DCBLD2: variants seen among roughly 807,000 people sequenced by gnomAD.
DCBLD2 encodes discoidin, CUB and LCCL domain-containing protein 2.
In DCBLD2, 54 loss-of-function variants were observed where a neutral mutation model predicts 86.8. The observed-to-expected ratio is 0.62, with a 90% confidence interval of 0.50 to 0.78. The LOEUF (loss-of-function observed/expected upper bound fraction) is 0.78, where lower values mean the gene tolerates loss of function less well. Among genes scored for constraint, DCBLD2 ranks in the 30% least tolerant of loss-of-function variants. The probability of loss-of-function intolerance (pLI) is 0.00; values close to 1 mark genes in which losing one functional copy is unlikely to be tolerated. For missense variants in DCBLD2, 908 were observed against 954.2 expected (o/e 0.95, Z 0.64); for synonymous variants, 354 against 341.3 (o/e 1.04, Z -0.41).
chr3:98,881,490 C>T, intron 2 of DCBLD2, 50 bp downstream of exon 2: 1 of 1,495,986 alleles, frequency 6.7e-7, no homozygotes, highest in Non-Finnish European at 9.3e-7. Flanking sequence ...AAAAATACAT[C>T]ATTGAGACAA....
chr3:98,811,578 T>C (rs779739011), intron 10 of DCBLD2, 24 bp from the exon 11 acceptor site: 1 of 1,548,534 alleles, frequency 6.5e-7, no homozygotes, highest in African/African-American at 1.4e-5. Flanking sequence ...TTAGAAAAAT[T>C]TAAACATTTT....
chr3:98,828,617 G>A (rs1451315178), intron 3 of DCBLD2, among the ~76,000 whole-genome samples: 1 of 152,116 alleles, frequency 6.6e-6, no homozygotes, highest in African/African-American at 2.4e-5. Flanking sequence ...ATTGTAAAAT[G>A]GTGCAACTGT....
At chr3:98,850,604 T>TA (rs2107485673) in intron 2 of DCBLD2, among the ~76,000 whole-genome samples, 1 of 152,330 alleles carries the variant, frequency 6.6e-6, no homozygotes, top group Admixed American at 6.5e-5. Flanking sequence ...GTAACTTGTG[T>TA]AAGAAAGCCT....
At chr3:98,834,070 G>A (rs888228505) in intron 3 of DCBLD2, among the ~76,000 whole-genome samples, 2 of 151,420 alleles carry the variant, frequency 1.3e-5, no homozygotes, top group African/African-American at 4.9e-5. Flanking sequence ...GGCTCCTCTG[G>A]CCCTGTGTCG....
chr3:98,882,523 C>T (rs974495090), intron 1 of DCBLD2, among the ~76,000 whole-genome samples: 1 of 152,066 alleles, frequency 6.6e-6, no homozygotes, highest in African/African-American at 2.4e-5. Context: ...CTGTGCCCAT[C>T]AACCCATCAT....
chr3:98,891,215 GGA>G (rs137998675), intron 1 of DCBLD2, among the ~76,000 whole-genome samples: 12 of 148,628 alleles, frequency 8.1e-5, no homozygotes, highest in East Asian at 2.0e-4. Context: ...GGAGAGGGAG[GGA>G]GAGAGAGAGA....
At chr3:98,860,081 A>G (rs1943012810) in intron 2 of DCBLD2, among the ~76,000 whole-genome samples, 1 of 152,262 alleles carries the variant, frequency 6.6e-6, no homozygotes, top group African/African-American at 2.4e-5. Context: ...ACGAATGCAC[A>G]AGCTTCAGTA....
In DCBLD2 at chr3:98,901,290, G is replaced by A; in HGVS notation, c.37C>T (p.Pro13Ser). The change falls in exon 1 of 16, where the codon CCG becomes TCG. Residue 13 changes from proline to serine, a missense_variant. Physicochemically the swap from Pro to Ser is moderately conservative, Grantham distance 74. This residue lies in a region of DCBLD2 where 294 missense variants were observed against 256.0 expected (regional missense o/e 1.15). Coordinates refer to ENST00000326840, the MANE Select transcript of DCBLD2 (RefSeq NM_080927.4). ...GCGGCCCGGACTTGGGGACACTGCG[G>A]GCAGCGCCTGGCTCTCACCACCGCC... The part of the protein sequence containing the change: ...SRAVVRARRC[P>S]QCPQVRAAAA... The A allele has an allele frequency of 2.0e-6, 3 of 1,518,618 alleles. No homozygotes were observed. Among genetic ancestry groups the A allele is most frequent in the South Asian group, 2.4e-5 (2 of 81,906 alleles). The allele number at this position is 1,518,618 out of a possible 1,614,324, so 94.1% of individuals were successfully genotyped here.
Position 98,901,173 on chromosome 3 carries a change from G to A in DCBLD2, c.154C>T (p.Leu52=), listed in dbSNP as rs558781984. 5 of 1,538,240 alleles carry A rather than the reference G, an allele frequency of 3.3e-6. No homozygotes were observed. In the African/African-American group the frequency reaches 6.8e-5, roughly 21 times the overall value. The change falls in exon 1 of 16, where the codon CTG becomes TTG. Residue 52 remains leucine, a synonymous_variant. Transcript: ENST00000326840. ...AGCAGGAGCAGGACAAGTAAGAGCA[G>A]GAGGAACAGAGGCATGGAGAAGGAG... ...SSSFSMPLFL[L]LLLVLLLLLE...
intron 3 of DCBLD2, among the ~76,000 whole-genome samples, chr3:98,839,160 T>TTCCTTCCTTCCTTCCTTCC (rs1942566896): frequency 1.1e-5 from 1 of 90,904 alleles, no homozygotes; most frequent in Non-Finnish European, 2.4e-5. Context: ...TCTTTCTTTC[T>TTCCTTCCTTCCTTCCTTCC]TTCTTTCTTT....
At chr3:98,881,385 T>A (rs1430028058) in intron 2 of DCBLD2, among the ~76,000 whole-genome samples, 155 bp downstream of exon 2, 2 of 152,080 alleles carry the variant, frequency 1.3e-5, no homozygotes, top group Non-Finnish European at 2.9e-5. Flanking sequence ...AAGAATCTTC[T>A]CTTCCCAAAA....
chr3:98,833,997 T>C (rs1219132782), intron 3 of DCBLD2, among the ~76,000 whole-genome samples: 1 of 152,164 alleles, frequency 6.6e-6, no homozygotes, highest in Non-Finnish European at 1.5e-5. Context: ...TCCAGTAAAC[T>C]AGGGGCCTGC....
intron 2 of DCBLD2, among the ~76,000 whole-genome samples, chr3:98,872,330 T>A (rs1471044983): frequency 6.6e-6 from 1 of 152,112 alleles, no homozygotes; most frequent in African/African-American, 2.4e-5. Context: ...TTAGTTACCA[T>A]GACAGTGGGT....
chr3:98,875,656 T>C (rs572249797), intron 2 of DCBLD2, among the ~76,000 whole-genome samples: 1 of 152,270 alleles, frequency 6.6e-6, no homozygotes, highest in Admixed American at 6.5e-5. Context: ...ACACATACCG[T>C]AAAGCCTCTG....
At chr3:98,813,889 T>C (rs1941981008) in intron 9 of DCBLD2, 1 of 152,212 alleles carries the variant, frequency 6.6e-6, no homozygotes, top group South Asian at 2.1e-4. Flanking sequence ...GTAAGTGGAT[T>C]GCACAGCTAG....
At chr3:98,825,204 G>A in intron 4 of DCBLD2, 111 bp downstream of exon 4, 2 of 769,532 alleles carry the variant, frequency 2.6e-6, no homozygotes, top group Non-Finnish European at 3.9e-6. Flanking sequence ...ACAATGATAT[G>A]TATCACACAA....
rs1360045791 is a variant in DCBLD2 at position 98,808,190 on chromosome 3, C to G, written c.1577-16G>C. The stretch of plus-strand genomic sequence containing the variant: ...AGCGCTACATCTGAAGTTACAAAGA[C>G]AAAAACAGACAAACAAAAGCCATAT... On this transcript the variant is annotated splice_polypyrimidine_tract_variant and intron_variant, in intron 12 of 15. Coordinates refer to ENST00000326840, the MANE Select transcript of DCBLD2 (RefSeq NM_080927.4). 6.4e-7 allele frequency: 1 copy of G among 1,573,886 alleles called. No individual in the cohort carries two copies. Among genetic ancestry groups the G allele is most frequent in the Non-Finnish European group, 8.6e-7 (1 of 1,162,738 alleles).
rs569494850 is a variant in DCBLD2 at position 98,857,788 on chromosome 3, T to C, written c.434-8190A>G. ...AAACCCTGAGCCACACACAGGGTGC[T>C]GATTGGTGTCTTTACAAACCTTGAG... is the stretch of plus-strand genomic sequence containing the variant. On this transcript the variant is annotated intron_variant, in intron 2 of 15. Transcript: ENST00000326840. 4.1e-4 allele frequency among the ~76,000 whole-genome samples: 63 copies of C among 152,360 alleles called. No individual in the cohort carries two copies. The Middle Eastern group carries it at 0.014, about 33-fold the overall frequency.
intron 5 of DCBLD2, 90 bp from the exon 6 acceptor site, chr3:98,822,451 C>A: frequency 6.8e-7 from 1 of 1,471,436 alleles, no homozygotes; most frequent in Non-Finnish European, 9.1e-7. Flanking sequence ...ATCAGTTAAT[C>A]TAGGCAGTTT....
Sources: allele counts gnomAD v4.1 joint callset (sites outside exome capture counted in the v4.1 genomes callset), GRCh38; gene constraint gnomAD v4.1.1; regional missense constraint gnomAD v4.1.1; transcripts MANE v1.5; gene names NCBI Gene and HGNC (gene_info 2026-07-23, HGNC 2026-07-21).